The following BRAF variants were observed in gnomAD, a reference collection of about 807,000 sequenced individuals.
The protein encoded by BRAF is B-Raf proto-oncogene, serine/threonine kinase.
A neutral mutation model predicts 104.6 loss-of-function variants in BRAF; 16 were observed. The observed-to-expected ratio is 0.15, with a 90% CI of 0.10 to 0.23. The LOEUF is 0.23. Among genes scored for constraint, BRAF ranks in the 10% least tolerant of loss-of-function variants. The pLI is 1.00. For missense variants in BRAF, 541 were observed against 937.3 expected (o/e 0.58, Z 5.52); for synonymous variants, 310 against 341.6 (o/e 0.91, Z 1.02).
At chr7:140,832,926 T>G (rs1053024328) in intron 3 of BRAF, among the ~76,000 whole-genome samples, 1 of 149,616 alleles carries the variant, frequency 6.7e-6, no homozygotes, top group Non-Finnish European at 1.5e-5. Flanking sequence ...CAGGCTGGAG[T>G]GCAGTGGCGC....
At chr7:140,874,036 C>T (rs985564396) in intron 1 of BRAF, among the ~76,000 whole-genome samples, 3 of 151,974 alleles carry the variant, frequency 2.0e-5, no homozygotes, top group African/African-American at 7.3e-5. Context: ...TCACACATTA[C>T]GGGGGTGGTG....
chr7:140,845,988 G>GT (rs904182937), intron 2 of BRAF, among the ~76,000 whole-genome samples: 5 of 151,932 alleles, frequency 3.3e-5, no homozygotes, highest in Admixed American at 6.6e-5. Flanking sequence ...CTAGGCTATG[G>GT]TTTTTTTAAT....
At chr7:140,792,542 C>T (rs1439232496) in intron 8 of BRAF, among the ~76,000 whole-genome samples, 1 of 152,182 alleles carries the variant, frequency 6.6e-6, no homozygotes, top group Non-Finnish European at 1.5e-5. Flanking sequence ...ACTTTCCTAA[C>T]CCCCTTATGT....
intron 19 of BRAF, chr7:140,733,184 A>AT (rs1796114145): frequency 2.0e-5 from 3 of 152,250 alleles, no homozygotes; most frequent in South Asian, 2.1e-4. Context: ...ACATCTAAGT[A>AT]TTCAAATAAA....
intron 15 of BRAF, 43 bp downstream of exon 14, chr7:140,754,140 AAGTC>A (rs1562941574): frequency 4.5e-6 from 7 of 1,564,630 alleles, no homozygotes; most frequent in Middle Eastern, 3.4e-4. Context: ...GCAGAAGAAA[AAGTC>A]AGGATGTTTT....
chr7:140,906,213 T>A (rs1283488555), intron 1 of BRAF, among the ~76,000 whole-genome samples: 3 of 152,024 alleles, frequency 2.0e-5, no homozygotes, highest in Admixed American at 6.6e-5. Context: ...TGTCATATAT[T>A]TTTTTTGAGA....
intron 1 of BRAF, among the ~76,000 whole-genome samples, chr7:140,866,817 T>C (rs2129088352): frequency 6.6e-6 from 1 of 152,312 alleles, no homozygotes; most frequent in East Asian, 1.9e-4. Flanking sequence ...AGTTAAGATG[T>C]ATGCTCACTA....
At chr7:140,767,858 A>AAATGAGGT (rs1799475978) in intron 14 of BRAF, among the ~76,000 whole-genome samples, 1 of 152,244 alleles carries the variant, frequency 6.6e-6, no homozygotes, top group African/African-American at 2.4e-5. Flanking sequence ...GTTGAGGAGT[A>AAATGAGGT]AATGAGGTAA....
In BRAF at chr7:140,834,843, A is replaced by G. The variant is rs1807149714; in HGVS notation, c.270T>C (p.Asp90=). 1 of 1,614,182 alleles carries G rather than the reference A, an allele frequency of 6.2e-7. No homozygotes were observed. The highest frequency in any genetic ancestry group is 8.5e-7 in the Non-Finnish European group (1 of 1,179,988). The change falls in exon 3 of 20, where the codon GAT becomes GAC. Residue 90 remains aspartate (D), a synonymous_variant. Coordinates refer to ENST00000644969, the MANE Select transcript of BRAF (RefSeq NM_001374258.1). The part of the protein sequence containing the change: ...EAYEEYTSKL[D]ALQQREQQLL... ...ACTGTTGTTCTCTTTGTTGGAGTGCATCTAGCTTGCTGGTGTATTCTTCAT... is the reference window on the plus strand; with the variant it reads ...ACTGTTGTTCTCTTTGTTGGAGTGCGTCTAGCTTGCTGGTGTATTCTTCAT...
chr7:140,772,761 C>G (rs1331546257), intron 14 of BRAF, among the ~76,000 whole-genome samples: 2 of 152,214 alleles, frequency 1.3e-5, no homozygotes, highest in Middle Eastern at 3.4e-3. Flanking sequence ...TTTTATGTAA[C>G]TTGGTTTGTA....
At chr7:140,846,594 T>A (rs919985895) in intron 2 of BRAF, among the ~76,000 whole-genome samples, 32 of 152,180 alleles carry the variant, frequency 2.1e-4, no homozygotes, top group Admixed American at 2.0e-3. Flanking sequence ...TAGAAATGGA[T>A]GGTGGTGAAG....
At chr7:140,898,507 T>C (rs1386732974) in intron 1 of BRAF, among the ~76,000 whole-genome samples, 1 of 152,178 alleles carries the variant, frequency 6.6e-6, no homozygotes, top group African/African-American at 2.4e-5. Flanking sequence ...TATGAAAACA[T>C]ACTCAACCTC....
intron 3 of BRAF, among the ~76,000 whole-genome samples, chr7:140,819,859 G>A (rs1315401294): frequency 6.6e-6 from 1 of 152,102 alleles, no homozygotes; most frequent in Non-Finnish European, 1.5e-5. Context: ...CGGGTACAGT[G>A]TTTATTTTTG....
intron 1 of BRAF, among the ~76,000 whole-genome samples, chr7:140,899,954 C>T (rs1438424322): frequency 1.3e-5 from 2 of 152,188 alleles, no homozygotes; most frequent in Non-Finnish European, 2.9e-5. Flanking sequence ...TCTCTTACTC[C>T]CTTCTAGAAA....
At chr7:140,792,538 C>T (rs1227483234) in intron 8 of BRAF, among the ~76,000 whole-genome samples, 1 of 152,164 alleles carries the variant, frequency 6.6e-6, no homozygotes, top group African/African-American at 2.4e-5. Context: ...AATGACTTTC[C>T]TAACCCCCTT....
intron 7 of BRAF, among the ~76,000 whole-genome samples, chr7:140,795,339 G>C (rs1385164162): frequency 6.6e-6 from 1 of 152,128 alleles, no homozygotes; most frequent in Non-Finnish European, 1.5e-5. Flanking sequence ...CTAGGAGTGG[G>C]GAAATGAGTG....
rs1475647329 is a variant in BRAF at position 140,924,789 on chromosome 7, AGGC to A, written c.-89_-87del. 4.3e-6 allele frequency: 2 copies of A among 467,698 alleles called. No homozygotes were observed. The highest frequency in any genetic ancestry group is 4.2e-5 in the Admixed American group (1 of 23,928). 29.0% of individuals were successfully genotyped at this position (467,698 alleles called of 1,614,324 possible). A position where few individuals can be genotyped will look rare whatever the true frequency, so the allele number is the denominator to read the frequency against. On this transcript the variant is annotated 5_prime_UTR_variant, in exon 1 of 20. Transcript: ENST00000644969. The surrounding 1 kb of genome is among the most constrained non-coding windows in gnomAD (Gnocchi z 4.2). ...GGAGAGCTGGGGGAGGCGGAGGCGG[AGGC>A]GGAGGCGGAGGAGCGGGGGGCGCGG... is the stretch of plus-strand genomic sequence containing the variant.
At position 140,897,059 on chromosome 7, in the gene BRAF, C is replaced by CT. The variant is rs769606077; in HGVS notation, c.138+27506dup. Among the ~76,000 whole-genome samples the CT allele has an allele frequency of 2.1e-3, 293 of 138,520 alleles. 1 individual carries two copies. Among genetic ancestry groups the CT allele is most frequent in the Middle Eastern group, 7.4e-3 (2 of 270 alleles). The allele number at this position is 138,520 out of a possible 152,430, so 90.9% of individuals were successfully genotyped here. ...TTTTACAGAATTTGACAACCTAATT[C>CT]TTTTTTTTTTTTTTTAACCAAATAC... On this transcript the variant is annotated intron_variant, in intron 1 of 19. Coordinates refer to ENST00000644969, the MANE Select transcript of BRAF (RefSeq NM_001374258.1).
intron 7 of BRAF, among the ~76,000 whole-genome samples, chr7:140,796,278 G>A (rs1390842832): frequency 6.6e-6 from 1 of 151,682 alleles, no homozygotes; most frequent in East Asian, 1.9e-4. Context: ...TTGAACCAGG[G>A]AGGCAGAGAC....
Sources: allele counts gnomAD v4.1 joint callset (sites outside exome capture counted in the v4.1 genomes callset), GRCh38; gene constraint gnomAD v4.1.1; non-coding constraint Gnocchi (gnomAD v3.1); transcripts MANE v1.5; gene names NCBI Gene and HGNC (gene_info 2026-07-23, HGNC 2026-07-21).